TTC7B: variants seen among roughly 807,000 people sequenced by gnomAD.
TTC7B encodes the protein tetratricopeptide repeat protein 7B.
Under a neutral mutation model 106.8 loss-of-function variants are expected in TTC7B, and 28 were observed. The observed-to-expected ratio is 0.26, with a 90% confidence interval of 0.19 to 0.36. The LOEUF (loss-of-function observed/expected upper bound fraction) is 0.36. Among genes scored for constraint, TTC7B ranks in the 10% least tolerant of loss-of-function variants. The probability of loss-of-function intolerance (pLI) is 1.00; values close to 1 mark genes in which losing one functional copy is unlikely to be tolerated. For synonymous variants in TTC7B, 405 were observed against 430.6 expected (o/e 0.94, Z 0.74); for missense variants, 862 against 1,076.4 (o/e 0.80, Z 2.79).
intron 18 of TTC7B, among the ~76,000 whole-genome samples, chr14:90,584,642 C>T (rs1891640786): frequency 1.3e-5 from 2 of 152,116 alleles, no homozygotes; most frequent in Non-Finnish European, 2.9e-5. Flanking sequence ...AGAACGGCCC[C>T]GAGATCTTCT....
intron 15 of TTC7B, among the ~76,000 whole-genome samples, chr14:90,629,016 A>T (rs1284680476): frequency 6.6e-6 from 1 of 152,230 alleles, no homozygotes; most frequent in Non-Finnish European, 1.5e-5. Context: ...GAAGACTGGG[A>T]TGGTGCCATC....
chr14:90,623,699 G>A (rs954343439), intron 15 of TTC7B, among the ~76,000 whole-genome samples: 2 of 152,196 alleles, frequency 1.3e-5, no homozygotes, highest in African/African-American at 4.8e-5. Context: ...GTTGCTCCTG[G>A]GATCTTTCAT....
At chr14:90,814,677 C>T (rs574256285) in intron 1 of TTC7B, among the ~76,000 whole-genome samples, 2 of 152,276 alleles carry the variant, frequency 1.3e-5, no homozygotes, top group East Asian at 3.9e-4. Flanking sequence ...CAAAGTAGAC[C>T]CAGGACTGTG....
chr14:90,734,694 G>C lies in TTC7B; in HGVS notation c.577-4498C>G, dbSNP rs7148641. Among the ~76,000 whole-genome samples, 929 of 152,216 alleles carry C rather than the reference G, an allele frequency of 6.1e-3. 8 individuals are homozygous for C. Among genetic ancestry groups the C allele is most frequent in the African/African-American group, 0.021 (881 of 41,564 alleles). On this transcript the variant is annotated intron_variant, in intron 4 of 19. Transcript: ENST00000328459. ...CCCAAGGCCTTTTCTGGAGCTCTCA[G>C]AGTTCTCTGAGAATTCCCACCACAG...
chr14:90,558,202 G>A (rs1230688275), intron 19 of TTC7B, among the ~76,000 whole-genome samples: 1 of 152,270 alleles, frequency 6.6e-6, no homozygotes, highest in Non-Finnish European at 1.5e-5. Context: ...CTGGGTGGGG[G>A]ATGGCAGGTG....
intron 18 of TTC7B, among the ~76,000 whole-genome samples, chr14:90,580,919 A>G (rs1891461952): frequency 6.6e-6 from 1 of 152,172 alleles, no homozygotes; most frequent in Non-Finnish European, 1.5e-5. Flanking sequence ...GCTGGTGTGT[A>G]TCTCATGGCT....
rs774370700 is a variant in TTC7B at position 90,687,889 on chromosome 14, CAA to C, written c.950+1649_950+1650del. ...AACACAAACTTGAACAAGAAGGTGA[CAA>C]GAGAGAGAAATGCAAGGGTCAACTT... On this transcript the variant is annotated intron_variant, in intron 7 of 19. Transcript: ENST00000328459. 2.0e-5 allele frequency among the ~76,000 whole-genome samples: 3 copies of C among 152,256 alleles called. No homozygotes were observed. In the East Asian group the frequency reaches 5.8e-4, roughly 29 times the overall value.
At chr14:90,588,583 T>C (rs183498630) in intron 18 of TTC7B, among the ~76,000 whole-genome samples, 102 of 152,308 alleles carry the variant, frequency 6.7e-4, no homozygotes, top group Non-Finnish European at 1.2e-3. Flanking sequence ...TGAGGAACCA[T>C]GTCTTGAGGT....
chr14:90,614,966 A>G (rs572021022), intron 16 of TTC7B, among the ~76,000 whole-genome samples: 31 of 152,352 alleles, frequency 2.0e-4, no homozygotes, highest in Admixed American at 1.8e-3. Flanking sequence ...CAGTGACAGA[A>G]GACAAAGCAT....
rs1889212847 is a variant in TTC7B at position 90,528,864 on chromosome 14, T to C, written c.*12504A>G. ...TGACATGACTGCGCTTCGTTACCCA[T>C]TTCCGATGGTGTGACCTGACTACGC... is the stretch of plus-strand genomic sequence containing the variant. On this transcript the variant is annotated 3_prime_UTR_variant, in exon 20 of 20. Coordinates refer to ENST00000328459, the MANE Select transcript of TTC7B (RefSeq NM_001010854.2). The C allele has an allele frequency of 6.5e-6, 1 of 153,348 alleles. No individual in the cohort carries two copies. The highest frequency in any genetic ancestry group is 1.5e-5 in the Non-Finnish European group (1 of 68,838). 9.5% of individuals were successfully genotyped at this position (153,348 alleles called of 1,614,324 possible).
intron 5 of TTC7B, among the ~76,000 whole-genome samples, chr14:90,708,406 T>C (rs1194935264): frequency 6.6e-6 from 1 of 152,198 alleles, no homozygotes; most frequent in Non-Finnish European, 1.5e-5. Flanking sequence ...ATGCAACTGG[T>C]GACTTTGAGT....
chr14:90,747,015 C>G (rs1889987437), intron 3 of TTC7B, among the ~76,000 whole-genome samples: 2 of 152,170 alleles, frequency 1.3e-5, no homozygotes, highest in Non-Finnish European at 2.9e-5. Context: ...TCCTACCTGA[C>G]AAGTGTCTTT....
At chr14:90,565,682 G>A (rs948168644) in intron 19 of TTC7B, among the ~76,000 whole-genome samples, 4 of 152,098 alleles carry the variant, frequency 2.6e-5, no homozygotes, top group Non-Finnish European at 4.4e-5. Context: ...TTACAGGCAT[G>A]AGCCACCGCG....
intron 16 of TTC7B, among the ~76,000 whole-genome samples, chr14:90,614,069 T>G (rs982905852): frequency 2.6e-5 from 4 of 152,196 alleles, no homozygotes; most frequent in Non-Finnish European, 5.9e-5. Flanking sequence ...GAATAGTGCC[T>G]GGCACACAGT....
intron 7 of TTC7B, among the ~76,000 whole-genome samples, chr14:90,684,311 C>T (rs1365930144): frequency 6.6e-6 from 1 of 152,126 alleles, no homozygotes; most frequent in African/African-American, 2.4e-5. Flanking sequence ...ACCTCAACTG[C>T]TTCTTACAAG....
intron 12 of TTC7B, 124 bp from the exon 13 acceptor site, chr14:90,653,022 C>T (rs1885797452): frequency 8.2e-6 from 8 of 970,788 alleles, no homozygotes; most frequent in Non-Finnish European, 1.3e-5. Flanking sequence ...TGCCTACGTG[C>T]CCAGTCCTGC....
chr14:90,786,479 T>C (rs1891394266), intron 1 of TTC7B, 151 bp from the exon 2 acceptor site: 3 of 768,264 alleles, frequency 3.9e-6, no homozygotes, highest in Non-Finnish European at 6.2e-6. Flanking sequence ...AGGGTCTAAG[T>C]GGGCACCACC....
At chr14:90,705,599 A>C (rs1888173754) in intron 5 of TTC7B, among the ~76,000 whole-genome samples, 1 of 152,098 alleles carries the variant, frequency 6.6e-6, no homozygotes, top group Non-Finnish European at 1.5e-5. Flanking sequence ...ATATAAAACA[A>C]TTGTATGGCG....
intron 3 of TTC7B, among the ~76,000 whole-genome samples, chr14:90,768,088 T>A (rs10144330): frequency 0.28 from 42,081 of 151,208 alleles, 9,645 homozygotes; most frequent in African/African-American, 0.64. Context: ...ATACAAGGGA[T>A]CCTCAATAAA....
Sources: allele counts gnomAD v4.1 joint callset (sites outside exome capture counted in the v4.1 genomes callset), GRCh38; gene constraint gnomAD v4.1.1; transcripts MANE v1.5; gene names NCBI Gene and HGNC (gene_info 2026-07-23, HGNC 2026-07-21).